Variants in ATP2C2 observed in about 807,000 individuals in gnomAD.
ATP2C2 encodes the protein ATPase secretory pathway Ca2+ transporting 2.
Under a neutral mutation model 110.8 loss-of-function variants are expected in ATP2C2, and 171 were observed. The observed-to-expected ratio is 1.54, with a 90% CI of 1.36 to 1.75. The LOEUF (loss-of-function observed/expected upper bound fraction) is 1.75, where lower values mean the gene tolerates loss of function less well. Among genes scored for constraint, ATP2C2 ranks in the 40% most tolerant of loss-of-function variants. ATP2C2 has a pLI of 0.00. For missense variants in ATP2C2, 1,963 were observed against 1,235.0 expected, an observed-to-expected ratio of 1.59 and a Z score of -8.84; for synonymous variants, 804 against 508.4, an observed-to-expected ratio of 1.58 and a Z score of -7.82.
chr16:84,406,147 T>G (rs896738101), intron 3 of ATP2C2, among the ~76,000 whole-genome samples: 14 of 152,332 alleles, frequency 9.2e-5, no homozygotes, highest in African/African-American at 3.4e-4. Flanking sequence ...CCAGAGCCCC[T>G]TCCCTTGCTA....
intron 17 of ATP2C2, among the ~76,000 whole-genome samples, chr16:84,451,423 T>G (rs1306289664): frequency 6.6e-6 from 1 of 152,226 alleles, no homozygotes; most frequent in Non-Finnish European, 1.5e-5. Context: ...TCCTTCTCCA[T>G]CTGTTGTGCA....
intron 1 of ATP2C2, among the ~76,000 whole-genome samples, chr16:84,382,206 A>C (rs1910616886): frequency 6.6e-6 from 1 of 151,314 alleles, no homozygotes; most frequent in Admixed American, 6.6e-5. Context: ...TCATTGTTCA[A>C]CTCCCACTTA....
rs559808529 is a variant in ATP2C2 at position 84,383,009 on chromosome 16, C to A, written c.99+14295C>A. 3.0e-4 allele frequency among the ~76,000 whole-genome samples: 46 copies of A among 152,174 alleles called. 1 individual carries two copies. The South Asian group carries it at 9.3e-3, about 31-fold the overall frequency. On this transcript the variant is annotated intron_variant, in intron 1 of 26. Transcript: ENST00000262429. ...AGCCTCAGAAGAGACAGGCAAGAGT[C>A]TACAGCTGGAGACAGAAGTGTGCCT...
intron 17 of ATP2C2, among the ~76,000 whole-genome samples, chr16:84,449,329 C>A (rs770337892): frequency 6.6e-6 from 1 of 152,234 alleles, no homozygotes; most frequent in Non-Finnish European, 1.5e-5. Context: ...GAGACCCTTG[C>A]GGCTTTCTGG....
At chr16:84,397,435 C>T (rs921633636) in intron 1 of ATP2C2, among the ~76,000 whole-genome samples, 1 of 151,602 alleles carries the variant, frequency 6.6e-6, no homozygotes, top group African/African-American at 2.4e-5. Context: ...TGTTGCCCTA[C>T]TCTGTCCACT....
At position 84,428,456 on chromosome 16, in the gene ATP2C2, G is replaced by A. The variant is rs537228953; in HGVS notation, c.986+2655G>A. ...CAATAACTGTTTTTTGAGTTAATGG[G>A]AATTGGAAATACTGTGTCTGGCTTT... On this transcript the variant is annotated intron_variant, in intron 11 of 26. Coordinates refer to ENST00000262429, the MANE Select transcript of ATP2C2 (RefSeq NM_014861.4). Among the ~76,000 whole-genome samples, 28 of 152,310 alleles carry A rather than the reference G, an allele frequency of 1.8e-4. No homozygotes were observed. The South Asian group carries it at 5.4e-3, about 29-fold the overall frequency.
chr16:84,377,790 G>C (rs1396440890), intron 1 of ATP2C2, among the ~76,000 whole-genome samples: 1 of 152,016 alleles, frequency 6.6e-6, no homozygotes, highest in African/African-American at 2.4e-5. Context: ...TGACTTGAAA[G>C]GTATTTTTTT....
At chr16:84,417,595 GTTAAA>G (rs1906953499) in intron 7 of ATP2C2, among the ~76,000 whole-genome samples, 1 of 152,194 alleles carries the variant, frequency 6.6e-6, no homozygotes, top group South Asian at 2.1e-4. Flanking sequence ...CCCTGCTTAT[GTTAAA>G]TTAAACTGTG....
rs375518718 is a variant in ATP2C2 at position 84,439,387 on chromosome 16, T to C, written c.1112-40T>C. 1.1e-5 allele frequency: 18 copies of C among 1,585,156 alleles called. No individual in the cohort carries two copies. The African/African-American group carries it at 2.7e-4, about 24-fold the overall frequency. On this transcript the variant is annotated intron_variant, in intron 12 of 26. Transcript: ENST00000262429. ...CCTGGGGGTTTCACAAGCCTGAGGA[T>C]GGCAACTTCTCTTCTATAAACTGGT... is the stretch of plus-strand genomic sequence containing the variant.
In ATP2C2 at chr16:84,459,375, A is replaced by T; in HGVS notation, c.2322A>T (p.Pro774=). The change falls in exon 23 of 27, where the codon CCA becomes CCT. Residue 774 remains proline (P), a synonymous_variant. Transcript: ENST00000262429. ...ILWINIIMDG[P]PAQSLGVEPV... Reference sequence around the variant, plus strand: ...GGATCAACATCATCATGGATGGGCCACCGGCGCAGAGGTGAGGCAGGGCCG... The same window carrying T: ...GGATCAACATCATCATGGATGGGCCTCCGGCGCAGAGGTGAGGCAGGGCCG... 6.2e-7 allele frequency: 1 copy of T among 1,614,132 alleles called. No individual in the cohort carries two copies. Among genetic ancestry groups the T allele is most frequent in the Non-Finnish European group, 8.5e-7 (1 of 1,179,986 alleles).
rs564585147 is a variant in ATP2C2, at chr16:84,428,295, C to T, written c.986+2494C>T. On this transcript the variant is annotated intron_variant, in intron 11 of 26. Transcript: ENST00000262429. ...TTGCCTGTGTATACATGAATGTACA[C>T]GATTATCTGGTAATTAGTAGTAGAA... Among the ~76,000 whole-genome samples, 4 of 152,228 alleles carry T rather than the reference C, an allele frequency of 2.6e-5. No individual in the cohort carries two copies. The South Asian group carries it at 6.2e-4, about 24-fold the overall frequency.
At chr16:84,419,078 G>A (rs183752270) in intron 7 of ATP2C2, among the ~76,000 whole-genome samples, 3 of 151,694 alleles carry the variant, frequency 2.0e-5, no homozygotes, top group Non-Finnish European at 2.9e-5. Context: ...GCGTGGTGGC[G>A]TGCACCTGTA....
At chr16:84,390,211 C>G (rs1597745832) in intron 1 of ATP2C2, among the ~76,000 whole-genome samples, 1 of 152,264 alleles carries the variant, frequency 6.6e-6, no homozygotes, top group Non-Finnish European at 1.5e-5. Context: ...TCGCAATGAA[C>G]CGAATCCCGG....
intron 1 of ATP2C2, among the ~76,000 whole-genome samples, chr16:84,387,555 T>C (rs1567688349): frequency 6.6e-6 from 1 of 152,050 alleles, no homozygotes; most frequent in African/African-American, 2.4e-5. Context: ...ATGCCAGCCA[T>C]GTGCACGTAC....
intron 1 of ATP2C2, among the ~76,000 whole-genome samples, chr16:84,373,119 C>CA (rs34143321): frequency 0.44 from 45,627 of 103,630 alleles, 10,196 homozygotes; most frequent in Non-Finnish European, 0.55. Context: ...GACTCCCTCT[C>CA]AAAAAAAAAA....
chr16:84,396,794 C>T (rs986894421), intron 1 of ATP2C2, among the ~76,000 whole-genome samples: 4 of 151,844 alleles, frequency 2.6e-5, no homozygotes, highest in African/African-American at 7.3e-5. Context: ...GCAATGTTGA[C>T]TTAAGGAGGG....
At chr16:84,460,854 C>T (rs143696437) in intron 24 of ATP2C2, 53 bp downstream of exon 24, 32 of 1,553,700 alleles carry the variant, frequency 2.1e-5, no homozygotes, top group Non-Finnish European at 2.7e-5. Flanking sequence ...GGTGCAGACG[C>T]TGGGGACTGC....
intron 7 of ATP2C2, among the ~76,000 whole-genome samples, chr16:84,418,286 G>C (rs1907014845): frequency 6.6e-6 from 1 of 152,142 alleles, no homozygotes; most frequent in South Asian, 2.1e-4. Flanking sequence ...GTGGCTATGG[G>C]TTCTGTTCCC....
At position 84,460,865 on chromosome 16, in the gene ATP2C2, A is replaced by G. The variant is rs116005006; in HGVS notation, c.2481+64A>G. On this transcript the variant is annotated intron_variant, in intron 24 of 26. Transcript: ENST00000262429. ...GTGCGGTGCAGACGCTGGGGACTGC[A>G]GTCCCTGCCCTCCTGCCACAGCTCA... The G allele has an allele frequency of 2.8e-3, 4,359 of 1,530,582 alleles. 113 individuals carry two copies. The African/African-American group carries it at 0.054, about 19-fold the overall frequency. The allele number at this position is 1,530,582 out of a possible 1,614,324, so 94.8% of individuals were successfully genotyped here. A position where few individuals can be genotyped will look rare whatever the true frequency, so the allele number is the denominator to read the frequency against.
Sources: gnomAD v4.1 joint callset for allele counts (sites outside exome capture counted in the v4.1 genomes callset) on GRCh38, gnomAD v4.1.1 for gene constraint, MANE v1.5 for transcripts, NCBI Gene and HGNC (gene_info 2026-07-23, HGNC 2026-07-21) for gene names.